Variants in STAM observed in about 807,000 individuals in gnomAD.
STAM encodes the protein signal transducing adaptor molecule.
A neutral mutation model predicts 63.4 loss-of-function variants in STAM; 16 were observed. The observed-to-expected ratio is 0.25, with a 90% CI of 0.17 to 0.38. The LOEUF (loss-of-function observed/expected upper bound fraction) is 0.38. Among genes scored for constraint, STAM ranks in the 10% least tolerant of loss-of-function variants. STAM has a pLI of 1.00. For synonymous variants in STAM, 238 were observed against 223.9 expected (o/e 1.06, Z -0.56); for missense variants, 636 against 657.1 (o/e 0.97, Z 0.35).
intron 1 of STAM, among the ~76,000 whole-genome samples, chr10:17,653,469 T>C (rs1331664806): frequency 6.6e-6 from 1 of 152,156 alleles, no homozygotes; most frequent in African/African-American, 2.4e-5. Flanking sequence ...CACACTGATG[T>C]ATTTGGAGGG....
chr10:17,712,711 C>T (rs982399243), intron 13 of STAM, among the ~76,000 whole-genome samples: 48 of 152,202 alleles, frequency 3.2e-4, no homozygotes, highest in African/African-American at 1.1e-3. Context: ...AACCTAGTGT[C>T]TTACAGTGGA....
intron 12 of STAM, among the ~76,000 whole-genome samples, chr10:17,707,929 C>T (rs1230568504): frequency 3.0e-4 from 45 of 150,348 alleles, no homozygotes; most frequent in African/African-American, 1.0e-3. Flanking sequence ...CTTGCTTTGT[C>T]GCCCAGGCTG....
rs138283454 is a variant in STAM, at chr10:17,670,767, C to A, written c.125+10219C>A. Among the ~76,000 whole-genome samples, 5 of 125,450 alleles carry A rather than the reference C, an allele frequency of 4.0e-5. No homozygotes were observed. The South Asian group carries it at 7.1e-4, about 18-fold the overall frequency. The allele number at this position is 125,450 out of a possible 152,430, so 82.3% of individuals were successfully genotyped here. A position where few individuals can be genotyped will look rare whatever the true frequency, so the allele number is the denominator to read the frequency against. On this transcript the variant is annotated intron_variant, in intron 2 of 13. Coordinates refer to ENST00000377524, the MANE Select transcript of STAM (RefSeq NM_003473.4). ...ACATCACTGTATATATTTATATTCA[C>A]GTTCCATTATCTCATAAGAAATGCC... is the stretch of plus-strand genomic sequence containing the variant.
chr10:17,705,122 T>A, intron 11 of STAM, 98 bp downstream of exon 11: 2 of 953,272 alleles, frequency 2.1e-6, no homozygotes, highest in East Asian at 2.4e-5. Flanking sequence ...AAAAAAAATA[T>A]TGTGGAGGAA....
At chr10:17,705,462 G>A in intron 11 of STAM, 126 bp from the exon 12 acceptor site, 1 of 1,139,876 alleles carries the variant, frequency 8.8e-7, no homozygotes, top group Non-Finnish European at 1.2e-6. Context: ...TTTGTTATAA[G>A]TGAAATTTTT....
chr10:17,685,026 GAA>G (rs782659567), intron 4 of STAM, 99 bp downstream of exon 4: 1 of 947,220 alleles, frequency 1.1e-6, no homozygotes. Flanking sequence ...TGCTTTTTAA[GAA>G]ATCCTTTCTA....
intron 1 of STAM, among the ~76,000 whole-genome samples, chr10:17,650,637 T>A (rs1389698044): frequency 6.6e-6 from 1 of 152,210 alleles, no homozygotes; most frequent in Admixed American, 6.5e-5. Flanking sequence ...CAGGTTTAGA[T>A]CACCACTCTC....
In STAM at chr10:17,714,646, CTG is replaced by C; in HGVS notation, c.1491_1492del (p.Tyr498ProfsTer6). 1 of 1,614,174 alleles carries C rather than the reference CTG, an allele frequency of 6.2e-7. No homozygotes were observed. The highest frequency in any genetic ancestry group is 8.5e-7 in the Non-Finnish European group (1 of 1,180,030). ...TAAAATADVTLYQNAGPNMPQ... is the reference protein window; with the variant it reads ...TAAAATADVTXYQNAGPNMPQ... ...TGCTGCTGCAACTGCCGATGTCACT[CTG>C]TACCAGAATGCAGGACCTAATATGC... On this transcript the variant is annotated frameshift_variant, in exon 14 of 14. Coordinates refer to ENST00000377524, the MANE Select transcript of STAM (RefSeq NM_003473.4). LOFTEE classifies it high-confidence loss of function.
Position 17,644,316 on chromosome 10 carries a change from G to T in STAM, c.-24G>T. On this transcript the variant is annotated 5_prime_UTR_variant, in exon 1 of 14. Coordinates refer to ENST00000377524, the MANE Select transcript of STAM (RefSeq NM_003473.4). ...CCGTGCTGTCGAGAGGGAGTCCCCGGGGACACCTCGGCACGCAGCGGAGAT... is the reference window on the plus strand; with the variant it reads ...CCGTGCTGTCGAGAGGGAGTCCCCGTGGACACCTCGGCACGCAGCGGAGAT... 6.2e-7 allele frequency: 1 copy of T among 1,614,074 alleles called. No individual in the cohort carries two copies. The highest frequency in any genetic ancestry group is 8.5e-7 in the Non-Finnish European group (1 of 1,179,990).
chr10:17,659,844 A>G (rs780426611), intron 1 of STAM, among the ~76,000 whole-genome samples: 4 of 152,082 alleles, frequency 2.6e-5, no homozygotes, highest in African/African-American at 4.8e-5. Context: ...TTCTGCTAAC[A>G]TTGCTTTCAA....
At chr10:17,712,679 T>C (rs1410790209) in intron 13 of STAM, among the ~76,000 whole-genome samples, 1 of 152,242 alleles carries the variant, frequency 6.6e-6, no homozygotes, top group South Asian at 2.1e-4. Flanking sequence ...CTCAGCATCT[T>C]AGTACTTCTC....
chr10:17,648,695 C>T (rs969591545), intron 1 of STAM, among the ~76,000 whole-genome samples: 6 of 152,308 alleles, frequency 3.9e-5, no homozygotes, highest in South Asian at 4.1e-4. Context: ...TAGTCAGTGG[C>T]AAGAGCCTTC....
rs1016856987 is a variant in STAM at position 17,716,498 on chromosome 10, T to A, written c.*1718T>A. ...GTCAAATTTCACATTTTAAATACTA[T>A]AAGTTAGTTTTTGATAAATATCTGT... On this transcript the variant is annotated 3_prime_UTR_variant, in exon 14 of 14. Coordinates refer to ENST00000377524, the MANE Select transcript of STAM (RefSeq NM_003473.4). 2.8e-4 allele frequency among the ~76,000 whole-genome samples: 43 copies of A among 152,148 alleles called. No individual in the cohort carries two copies. Among genetic ancestry groups the A allele is most frequent in the African/African-American group, 8.4e-4 (35 of 41,430 alleles).
At chr10:17,712,817 G>A (rs1836615695) in intron 13 of STAM, among the ~76,000 whole-genome samples, 1 of 152,054 alleles carries the variant, frequency 6.6e-6, no homozygotes, top group South Asian at 2.1e-4. Flanking sequence ...TTTTTAATGG[G>A]AGCAGTGCAC....
intron 2 of STAM, among the ~76,000 whole-genome samples, chr10:17,666,247 C>G (rs1246802922): frequency 6.6e-6 from 1 of 152,076 alleles, no homozygotes; most frequent in Non-Finnish European, 1.5e-5. Context: ...CTTTACCCGA[C>G]TAATGGATAT....
chr10:17,681,141 TTC>T (rs1835069401), intron 2 of STAM, among the ~76,000 whole-genome samples: 1 of 152,072 alleles, frequency 6.6e-6, no homozygotes, highest in Non-Finnish European at 1.5e-5. Context: ...TTACCATTTT[TTC>T]TGTTTTTCTT....
chr10:17,666,343 C>A (rs1414549731), intron 2 of STAM, among the ~76,000 whole-genome samples: 1 of 149,408 alleles, frequency 6.7e-6, no homozygotes, highest in Non-Finnish European at 1.5e-5. Flanking sequence ...CAAATGTAAG[C>A]CTTTGGGAAG....
chr10:17,685,659 A>G (rs914017646), intron 4 of STAM, among the ~76,000 whole-genome samples: 4 of 152,202 alleles, frequency 2.6e-5, no homozygotes, highest in Non-Finnish European at 1.5e-5. Flanking sequence ...CAACTTTATC[A>G]GTGCCTGAGA....
intron 8 of STAM, 84 bp from the exon 9 acceptor site, chr10:17,700,107 C>G: frequency 8.6e-7 from 1 of 1,160,204 alleles, no homozygotes; most frequent in Non-Finnish European, 1.2e-6. Flanking sequence ...GAAAAATCCC[C>G]AAATCTCTCT....
Sources: gnomAD v4.1 joint callset for allele counts (sites outside exome capture counted in the v4.1 genomes callset) on GRCh38, gnomAD v4.1.1 for gene constraint, MANE v1.5 for transcripts, NCBI Gene and HGNC (gene_info 2026-07-23, HGNC 2026-07-21) for gene names.